Variants in MTHFD1L observed in about 807,000 individuals in gnomAD.
MTHFD1L encodes monofunctional C1-tetrahydrofolate synthase, mitochondrial.
In MTHFD1L, 81 loss-of-function variants were observed where a neutral mutation model predicts 119.5. That is an observed-to-expected ratio of 0.68 (90% confidence interval 0.57 to 0.82). The LOEUF (loss-of-function observed/expected upper bound fraction) is 0.82. Among genes scored for constraint, MTHFD1L ranks in the 40% least tolerant of loss-of-function variants. The pLI, the probability that MTHFD1L is intolerant of heterozygous loss-of-function variation, is 0.00. For missense variants in MTHFD1L, 1,125 were observed against 1,253.4 expected, an observed-to-expected ratio of 0.90 and a Z score of 1.55; for synonymous variants, 430 against 475.2, an observed-to-expected ratio of 0.90 and a Z score of 1.24.
intron 26 of MTHFD1L, among the ~76,000 whole-genome samples, chr6:151,089,727 G>A (rs1484171416): frequency 2.0e-5 from 3 of 152,236 alleles, no homozygotes; most frequent in Non-Finnish European, 4.4e-5. Context: ...GTGTCCACCA[G>A]TTACCCTTGT....
In MTHFD1L at chr6:151,084,673, T is replaced by C. The variant is rs1419752674; in HGVS notation, c.2848-7794T>C. ...ATTTCTGTATATAACTATAGAAATA[T>C]ATATTAGACGGGCCGGGCGTGGTGG... On this transcript the variant is annotated intron_variant, in intron 26 of 27. Transcript: ENST00000367321. Among the ~76,000 whole-genome samples the C allele has an allele frequency of 2.0e-5, 3 of 152,194 alleles. No homozygotes were observed. The East Asian group carries it at 5.8e-4, about 29-fold the overall frequency.
In MTHFD1L at chr6:151,009,684, G is replaced by A; in HGVS notation, c.2126-135G>A. 6 of 1,028,330 alleles carry A rather than the reference G, an allele frequency of 5.8e-6. No individual in the cohort carries two copies. In the South Asian group the frequency reaches 8.5e-5, roughly 15 times the overall value. 63.7% of individuals were successfully genotyped at this position (1,028,330 alleles called of 1,614,324 possible). Reference sequence around the variant, plus strand: ...TGAAGAACATTTCTATGACAATGGGGAAATCAGTTCACCTTTGTGTTGGTA... The same window carrying A: ...TGAAGAACATTTCTATGACAATGGGAAAATCAGTTCACCTTTGTGTTGGTA... On this transcript the variant is annotated intron_variant, in intron 20 of 27. Transcript: ENST00000367321.
At chr6:150,935,190 A>G in intron 11 of MTHFD1L, 5 of 1,612,020 alleles carry the variant, frequency 3.1e-6, no homozygotes, top group Middle Eastern at 2.2e-4. Context: ...CACTTCTGGG[A>G]TGTAGGTGGT....
intron 26 of MTHFD1L, among the ~76,000 whole-genome samples, chr6:151,071,904 G>A (rs776635872): frequency 8.6e-5 from 12 of 139,070 alleles, no homozygotes; most frequent in East Asian, 4.7e-4. Flanking sequence ...GTGCAATGGC[G>A]CGATCTTGGC....
At chr6:150,891,342 G>A (rs1783233272) in intron 7 of MTHFD1L, among the ~76,000 whole-genome samples, 1 of 151,278 alleles carries the variant, frequency 6.6e-6, no homozygotes, top group Non-Finnish European at 1.5e-5. Flanking sequence ...GCAGAAGGAT[G>A]TATTTCATAC....
chr6:151,080,179 A>G lies in MTHFD1L; in HGVS notation c.2848-12288A>G, dbSNP rs145632690. 1.9e-3 allele frequency among the ~76,000 whole-genome samples: 291 copies of G among 152,234 alleles called. 2 individuals are homozygous for G. The highest frequency in any genetic ancestry group is 6.7e-3 in the African/African-American group (277 of 41,552). ...GATGACGGAGTGAGACTCTGGCCCA[A>G]AAAAGAAAAAAATAATCCTATTGGT... is the stretch of plus-strand genomic sequence containing the variant. On this transcript the variant is annotated intron_variant, in intron 26 of 27. Transcript: ENST00000367321.
At chr6:150,985,338 T>TA (rs1778130207) in intron 20 of MTHFD1L, 2 of 152,190 alleles carry the variant, frequency 1.3e-5, no homozygotes, top group South Asian at 4.1e-4. Context: ...CCATTATACT[T>TA]AGAGGTGATC....
At chr6:150,874,497 C>T (rs1275136431) in intron 1 of MTHFD1L, among the ~76,000 whole-genome samples, 1 of 152,174 alleles carries the variant, frequency 6.6e-6, no homozygotes, top group African/African-American at 2.4e-5. Flanking sequence ...GGCAGTGTAC[C>T]GTTGATGGCA....
intron 7 of MTHFD1L, among the ~76,000 whole-genome samples, chr6:150,903,735 G>A (rs558898968): frequency 2.7e-4 from 41 of 152,266 alleles, no homozygotes; most frequent in African/African-American, 3.4e-4. Context: ...GTCTGGCCTC[G>A]GCAAAGGTTT....
intron 13 of MTHFD1L, chr6:150,939,392 T>A (rs1277263150): frequency 6.6e-6 from 1 of 152,378 alleles, no homozygotes; most frequent in Non-Finnish European, 1.5e-5. Flanking sequence ...CGTTGTTAAT[T>A]CTCACTTCTG....
intron 5 of MTHFD1L, among the ~76,000 whole-genome samples, chr6:150,884,083 A>G (rs1476537222): frequency 6.6e-6 from 1 of 151,368 alleles, no homozygotes; most frequent in Non-Finnish European, 1.5e-5. Flanking sequence ...AGGCAGGAGG[A>G]TCTCTTGATC....
Position 150,865,926 on chromosome 6 carries a change from G to C in MTHFD1L, c.104G>C (p.Gly35Ala). Residue 35 changes from glycine to alanine, a missense_variant, in exon 1 of 28, where the codon GGC becomes GCC. Physicochemically the swap from Gly to Ala is moderately conservative, Grantham distance 60 (BLOSUM62 0). This residue lies in a region of MTHFD1L where 1,058 missense variants were observed against 1,151.2 expected (regional missense o/e 0.92). Transcript: ENST00000367321. ...LRVPCRASSG[G>A]GGGGGGGREG... is the part of the protein sequence containing the mutation. ...GTGCCCTGTCGCGCTAGCAGCGGCG[G>C]CGGCGGAGGCGGCGGCGGTGGCCGG... is the stretch of plus-strand genomic sequence containing the variant. 1 of 1,206,076 alleles carries C rather than the reference G, an allele frequency of 8.3e-7. No individual in the cohort carries two copies. The highest frequency in any genetic ancestry group is 3.5e-5 in the East Asian group (1 of 28,334). 74.7% of individuals were successfully genotyped at this position (1,206,076 alleles called of 1,614,324 possible). A position where few individuals can be genotyped will look rare whatever the true frequency, so the allele number is the denominator to read the frequency against.
At chr6:150,939,033 G>A (rs1457044377) in intron 13 of MTHFD1L, among the ~76,000 whole-genome samples, 1 of 151,984 alleles carries the variant, frequency 6.6e-6, no homozygotes, top group Admixed American at 6.6e-5. Flanking sequence ...CCCCTGCTTG[G>A]GGTGTTTTAC....
intron 7 of MTHFD1L, among the ~76,000 whole-genome samples, chr6:150,900,208 G>A (rs947970619): frequency 3.0e-4 from 45 of 151,906 alleles, no homozygotes; most frequent in African/African-American, 9.2e-4. Flanking sequence ...GTGAGTCACC[G>A]GTAGTTCCTA....
At chr6:151,042,739 A>T (rs1350880534) in intron 26 of MTHFD1L, among the ~76,000 whole-genome samples, 2 of 152,276 alleles carry the variant, frequency 1.3e-5, no homozygotes, top group Non-Finnish European at 2.9e-5. Context: ...AGTAAATTAC[A>T]TTCCATGTAG....
chr6:151,088,210 T>C (rs921573384), intron 26 of MTHFD1L: 2 of 152,204 alleles, frequency 1.3e-5, no homozygotes, highest in Non-Finnish European at 2.9e-5. Flanking sequence ...TGTAGACTTA[T>C]TGGAGATGGC....
At chr6:151,099,429 C>T in intron 27 of MTHFD1L, 1 of 820,070 alleles carries the variant, frequency 1.2e-6, no homozygotes, top group Non-Finnish European at 2.0e-6. Context: ...TACAGTGAGG[C>T]TGGCCGTGTC....
intron 18 of MTHFD1L, among the ~76,000 whole-genome samples, chr6:150,962,769 T>C (rs545930714): frequency 2.0e-5 from 3 of 152,116 alleles, no homozygotes; most frequent in Non-Finnish European, 2.9e-5. Flanking sequence ...TTTGAATCAG[T>C]TTATTTGGTT....
At position 150,926,071 on chromosome 6, in the gene MTHFD1L, C is replaced by T. The variant is rs1449926256; in HGVS notation, c.1083-51C>T. 5 of 1,532,240 alleles carry T rather than the reference C, an allele frequency of 3.3e-6. No individual in the cohort carries two copies. The highest frequency in any genetic ancestry group is 4.4e-6 in the Non-Finnish European group (5 of 1,126,406). The allele number at this position is 1,532,240 out of a possible 1,614,324, so 94.9% of individuals were successfully genotyped here. A position where few individuals can be genotyped will look rare whatever the true frequency, so the allele number is the denominator to read the frequency against. On this transcript the variant is annotated intron_variant, in intron 10 of 27. Coordinates refer to ENST00000367321, the MANE Select transcript of MTHFD1L (RefSeq NM_015440.5). This position sits in a 1 kb window ranked among gnomAD's most constrained non-coding sequence, Gnocchi z 4.3. ...GTGGCTGTTTTCACTCCAGTTGTGA[C>T]CACCTAAGCTGAGAAGCCTTTTCTC...
Sources: gnomAD v4.1 joint callset for allele counts (sites outside exome capture counted in the v4.1 genomes callset) on GRCh38, gnomAD v4.1.1 for gene constraint, gnomAD v4.1.1 regional missense constraint, Gnocchi (gnomAD v3.1) non-coding constraint, MANE v1.5 for transcripts, NCBI Gene and HGNC (gene_info 2026-07-23, HGNC 2026-07-21) for gene names.